Variants in PACSIN3 observed in about 807,000 individuals in gnomAD.
PACSIN3 encodes protein kinase C and casein kinase substrate in neurons protein 3.
A neutral mutation model predicts 56.1 loss-of-function variants in PACSIN3; 34 were observed. That is an observed-to-expected ratio of 0.61 (90% CI 0.46 to 0.81). PACSIN3 has a LOEUF of 0.81. PACSIN3 is among the 30% of genes least tolerant of loss of function. The pLI is 0.00. For synonymous variants in PACSIN3, 218 were observed against 229.8 expected (o/e 0.95, Z 0.46); for missense variants, 535 against 592.4 (o/e 0.90, Z 1.01).
At position 47,180,592 on chromosome 11, in the gene PACSIN3, C is replaced by T; in HGVS notation, c.310G>A (p.Gly104Arg). The change falls in exon 5 of 11, where the codon GGG (glycine) becomes AGG (arginine). Residue 104 changes from glycine to arginine, a missense_variant. Transcript: ENST00000298838. ...LHLEVREKLQ[G>R]QDSERVRAWQ... Reference sequence around the variant, plus strand: ...GCGCGCACCCGCTCACTGTCCTGCCCTTGCAGCTTCTCCCGCACCTCCAGG... The same window carrying T: ...GCGCGCACCCGCTCACTGTCCTGCCTTTGCAGCTTCTCCCGCACCTCCAGG... The T allele has an allele frequency of 6.2e-7, 1 of 1,605,214 alleles. No individual in the cohort carries two copies. Among genetic ancestry groups the T allele is most frequent in the Non-Finnish European group, 8.5e-7 (1 of 1,179,896 alleles).
In PACSIN3 at chr11:47,186,007, G is replaced by C. The variant is rs942039820; in HGVS notation, c.-104+342C>G. 6 of 152,212 alleles carry C rather than the reference G, an allele frequency of 3.9e-5. No homozygotes were observed. Among genetic ancestry groups the C allele is most frequent in the African/African-American group, 1.4e-4 (6 of 41,458 alleles). The allele number at this position is 152,212 out of a possible 1,614,324, so 9.4% of individuals were successfully genotyped here. ...CAGGAATCGGGGCTCGCTGCATAGG[G>C]CGAGGGATCGCCAGGGAGCGAGGAC... On this transcript the variant is annotated intron_variant, in intron 1 of 10. Coordinates refer to ENST00000298838, the MANE Select transcript of PACSIN3 (RefSeq NM_016223.5). This position sits in a 1 kb window ranked among gnomAD's most constrained non-coding sequence, Gnocchi z 4.5.
At position 47,179,610 on chromosome 11, in the gene PACSIN3, G is replaced by A. The variant is rs770687710; in HGVS notation, c.604-24C>T. Reference sequence around the variant, plus strand: ...GTCTGGGTGGGAGAGGAGGGGCCTGGTGAGAACCAGACCTTCTTCCACCCA... The same window carrying A: ...GTCTGGGTGGGAGAGGAGGGGCCTGATGAGAACCAGACCTTCTTCCACCCA... On this transcript the variant is annotated intron_variant, in intron 6 of 10. Transcript: ENST00000298838. This position sits in a 1 kb window ranked among gnomAD's most constrained non-coding sequence, Gnocchi z 4.4. 6.2e-7 allele frequency: 1 copy of A among 1,607,048 alleles called. No individual in the cohort carries two copies. Among genetic ancestry groups the A allele is most frequent in the Admixed American group, 1.7e-5 (1 of 59,844 alleles).
chr11:47,181,674 A>C (rs552371509), intron 4 of PACSIN3, among the ~76,000 whole-genome samples: 1 of 152,238 alleles, frequency 6.6e-6, no homozygotes. Flanking sequence ...AAATACAAAA[A>C]TTAGCCAAGT....
At position 47,178,350 on chromosome 11, in the gene PACSIN3, A is replaced by G; in HGVS notation, c.1159+16T>C. ...ATAAGGCAGAGGCTGAAGCTAGGAA[A>G]GGGGTCCCAGGGTACCTGCTCGGAA... On this transcript the variant is annotated intron_variant, in intron 10 of 10. Coordinates refer to ENST00000298838, the MANE Select transcript of PACSIN3 (RefSeq NM_016223.5). The surrounding 1 kb of genome is among the most constrained non-coding windows in gnomAD (Gnocchi z 4.2). 4.3e-6 allele frequency: 7 copies of G among 1,612,908 alleles called. No homozygotes were observed. Among genetic ancestry groups the G allele is most frequent in the Non-Finnish European group, 5.9e-6 (7 of 1,179,424 alleles).
intron 4 of PACSIN3, 67 bp from the exon 5 acceptor site, chr11:47,180,757 T>C (rs1953007849): frequency 9.3e-6 from 12 of 1,294,794 alleles, no homozygotes; most frequent in South Asian, 1.4e-5. Context: ...CCCCTCTCAC[T>C]GGGTGTGAGG....
intron 1 of PACSIN3, among the ~76,000 whole-genome samples, chr11:47,184,873 C>CA (rs1740571749): frequency 1.3e-5 from 2 of 152,210 alleles, no homozygotes; most frequent in Admixed American, 1.3e-4. Flanking sequence ...AGCTGCCCCC[C>CA]ACCCCTTCCC....
At position 47,186,320 on chromosome 11, in the gene PACSIN3, T is replaced by A. The variant is rs1590977440; in HGVS notation, c.-104+29A>T. ...TCGAGCCACCGCACCCGCCGCCGCC[T>A]ACCCGCGCGTCCCCTCCAGGGCACT... On this transcript the variant is annotated intron_variant, in intron 1 of 10. Coordinates refer to ENST00000298838, the MANE Select transcript of PACSIN3 (RefSeq NM_016223.5). The surrounding 1 kb of genome is among the most constrained non-coding windows in gnomAD (Gnocchi z 4.5). The A allele has an allele frequency of 1.3e-5, 2 of 151,714 alleles. No homozygotes were observed. Among genetic ancestry groups the A allele is most frequent in the Non-Finnish European group, 2.9e-5 (2 of 68,082 alleles). 9.4% of individuals were successfully genotyped at this position (151,714 alleles called of 1,614,324 possible).
In PACSIN3 at chr11:47,178,640, C is replaced by T. The variant is rs1176650491; in HGVS notation, c.1038-153G>A. 1.3e-5 allele frequency among the ~76,000 whole-genome samples: 2 copies of T among 152,140 alleles called. No homozygotes were observed. Among genetic ancestry groups the T allele is most frequent in the Non-Finnish European group, 2.9e-5 (2 of 68,032 alleles). On this transcript the variant is annotated intron_variant, in intron 9 of 10. Transcript: ENST00000298838. This position sits in a 1 kb window ranked among gnomAD's most constrained non-coding sequence, Gnocchi z 4.2. The stretch of plus-strand genomic sequence containing the variant: ...GATTCTAGCTCTACCTCGCCATGCC[C>T]GACTGTGAGCAAAGAGGCAATTCCT...
chr11:47,180,233 G>A lies in PACSIN3; in HGVS notation c.556C>T (p.Arg186Cys), dbSNP rs767914508. Reference protein sequence around the residue: ...ADSAVSQEQLRKLQERVERCA... With the variant: ...ADSAVSQEQLCKLQERVERCA... ...CGTTCCACCCGTTCCTGCAGTTTGC[G>A]CAGCTGCTCCTGGGAGACGGCGCTG... Residue 186 changes from arginine to cysteine, a missense_variant, in exon 6 of 11, where the codon CGC (arginine) becomes TGC (cysteine). Arg to Cys is a radical substitution (Grantham distance 180, BLOSUM62 -3). Coordinates refer to ENST00000298838, the MANE Select transcript of PACSIN3 (RefSeq NM_016223.5). The A allele has an allele frequency of 5.6e-6, 9 of 1,603,764 alleles. No individual in the cohort carries two copies. Among genetic ancestry groups the A allele is most frequent in the South Asian group, 4.4e-5 (4 of 91,094 alleles).
chr11:47,183,968 T>C (rs1467844261), intron 1 of PACSIN3, among the ~76,000 whole-genome samples: 1 of 150,506 alleles, frequency 6.6e-6, no homozygotes, highest in East Asian at 1.9e-4. Context: ...GAGGTTGCGG[T>C]GAGCAGAGAT....
chr11:47,185,457 C>CG (rs140302917), intron 1 of PACSIN3: 13,056 of 151,416 alleles, frequency 0.086, 1,842 homozygotes, highest in African/African-American at 0.3. Flanking sequence ...GAGGACAGAG[C>CG]GGGGGGGAGG....
In PACSIN3 at chr11:47,179,898, T is replaced by A. The variant is rs142115964; in HGVS notation, c.603+288A>T. Among the ~76,000 whole-genome samples, 163 of 152,244 alleles carry A rather than the reference T, an allele frequency of 1.1e-3. No individual in the cohort carries two copies. Among genetic ancestry groups the A allele is most frequent in the Non-Finnish European group, 2.1e-3 (142 of 68,014 alleles). On this transcript the variant is annotated intron_variant, in intron 6 of 10. Coordinates refer to ENST00000298838, the MANE Select transcript of PACSIN3 (RefSeq NM_016223.5). This position sits in a 1 kb window ranked among gnomAD's most constrained non-coding sequence, Gnocchi z 4.4. The stretch of plus-strand genomic sequence containing the variant: ...TCTCAGGATGGGGAGGATTTGCATA[T>A]CCAGAGCTGCAGGAAAGGACACTTC...
Position 47,180,580 on chromosome 11 carries a change from C to T in PACSIN3, c.322G>A (p.Glu108Lys), listed in dbSNP as rs192055353. The change falls in exon 5 of 11, where the codon GAG becomes AAG. Residue 108 changes from glutamate (E) to lysine (K), a missense_variant. Coordinates refer to ENST00000298838, the MANE Select transcript of PACSIN3 (RefSeq NM_016223.5). ...VREKLQGQDS[E>K]RVRAWQRGAF... ...CCCCGCTGCCAGGCGCGCACCCGCTCACTGTCCTGCCCTTGCAGCTTCTCC... is the reference window on the plus strand; with the variant it reads ...CCCCGCTGCCAGGCGCGCACCCGCTTACTGTCCTGCCCTTGCAGCTTCTCC... 42 of 1,604,772 alleles carry T rather than the reference C, an allele frequency of 2.6e-5. No individual in the cohort carries two copies. The highest frequency in any genetic ancestry group is 3.5e-5 in the Non-Finnish European group (41 of 1,179,808).
Position 47,177,975 on chromosome 11 carries a change from T to C in PACSIN3, c.1231A>G (p.Ile411Val), listed in dbSNP as rs200030202. ...WCQGQLQSGR[I>V]GLYPANYVEC... The stretch of plus-strand genomic sequence containing the variant: ...ACGTAGTTGGCAGGGTACAGGCCAA[T>C]GCGGCCACTCTGCAACTGGCCTTGG... The change falls in exon 11 of 11, where the codon ATT becomes GTT. Residue 411 changes from isoleucine (I) to valine (V), a missense_variant. Coordinates refer to ENST00000298838, the MANE Select transcript of PACSIN3 (RefSeq NM_016223.5). 6.2e-7 allele frequency: 1 copy of C among 1,614,098 alleles called. No homozygotes were observed. Among genetic ancestry groups the C allele is most frequent in the Admixed American group, 1.7e-5 (1 of 60,032 alleles).
chr11:47,182,273 A>G (rs1312827805), intron 4 of PACSIN3, 130 bp downstream of exon 4: 7 of 841,344 alleles, frequency 8.3e-6, no homozygotes, highest in African/African-American at 1.7e-5. Context: ...GAGGATGACC[A>G]GGAGGATCTT....
rs200483884 is a variant in PACSIN3, at chr11:47,182,412, C to T, written c.202G>A (p.Val68Met). The change falls in exon 4 of 11, where the codon GTG (valine) becomes ATG (methionine). Residue 68 changes from valine (V) to methionine (M), a missense_variant. Val to Met is a conservative substitution (Grantham distance 21). Coordinates refer to ENST00000298838, the MANE Select transcript of PACSIN3 (RefSeq NM_016223.5). ...CGAGGGCCTGGCTCACCCTTCTCCA[C>T]GGTCCCCCTCCACTTTCGGGCCCAG... ...ADWARKWRGTVEKGPQYGTLE... is the reference protein window; with the variant it reads ...ADWARKWRGTMEKGPQYGTLE... 3.7e-5 allele frequency: 59 copies of T among 1,598,176 alleles called. No individual in the cohort carries two copies. Among genetic ancestry groups the T allele is most frequent in the Admixed American group, 6.7e-5 (4 of 59,948 alleles).
intron 1 of PACSIN3, among the ~76,000 whole-genome samples, chr11:47,183,725 T>C (rs1953071003): frequency 6.6e-6 from 1 of 152,104 alleles, no homozygotes; most frequent in Admixed American, 6.5e-5. Flanking sequence ...TGGCCAACTA[T>C]AAGAATGTCT....
rs114991515 is a variant in PACSIN3, at chr11:47,179,816, C to T, written c.604-230G>A. 212 of 571,730 alleles carry T rather than the reference C, an allele frequency of 3.7e-4. 3 individuals carry two copies. The highest frequency in any genetic ancestry group is 3.6e-3 in the African/African-American group (195 of 53,640). The allele number at this position is 571,730 out of a possible 1,614,324, so 35.4% of individuals were successfully genotyped here. A position where few individuals can be genotyped will look rare whatever the true frequency, so the allele number is the denominator to read the frequency against. ...TGAGGATTGAAATGAGGTCAACCTA[C>T]AGGAAAGGATGGGAGAAATCAGAAA... On this transcript the variant is annotated intron_variant, in intron 6 of 10. Transcript: ENST00000298838. This position sits in a 1 kb window ranked among gnomAD's most constrained non-coding sequence, Gnocchi z 4.4.
chr11:47,178,235 T>C lies in PACSIN3; in HGVS notation c.1159+131A>G. On this transcript the variant is annotated intron_variant, in intron 10 of 10. Transcript: ENST00000298838. This position sits in a 1 kb window ranked among gnomAD's most constrained non-coding sequence, Gnocchi z 4.2. ...CTGAATGCAGCCACCAGGCACCAGC[T>C]ATCTGGACCTGGAACAGCTGAAGGG... 1 of 1,325,032 alleles carries C rather than the reference T, an allele frequency of 7.5e-7. No homozygotes were observed. Among genetic ancestry groups the C allele is most frequent in the Non-Finnish European group, 1.1e-6 (1 of 947,444 alleles). The allele number at this position is 1,325,032 out of a possible 1,614,324, so 82.1% of individuals were successfully genotyped here. A position where few individuals can be genotyped will look rare whatever the true frequency, so the allele number is the denominator to read the frequency against.
Sources: gnomAD v4.1 joint callset for allele counts (sites outside exome capture counted in the v4.1 genomes callset) on GRCh38, gnomAD v4.1.1 for gene constraint, Gnocchi (gnomAD v3.1) non-coding constraint, MANE v1.5 for transcripts, NCBI Gene and HGNC (gene_info 2026-07-23, HGNC 2026-07-21) for gene names.